Variants in C1orf21 observed in about 807,000 individuals in gnomAD.
C1orf21 encodes chromosome 1 open reading frame 21.
A neutral mutation model predicts 18.7 loss-of-function variants in C1orf21; 3 were observed. The ratio of observed to expected loss-of-function variants is 0.16; its 90% CI spans 0.07 to 0.42. The LOEUF (loss-of-function observed/expected upper bound fraction) is 0.42, where lower values mean the gene tolerates loss of function less well. C1orf21 is among the 10% of genes least tolerant of loss of function. The probability of loss-of-function intolerance (pLI) is 0.99; values close to 1 mark genes in which losing one functional copy is unlikely to be tolerated. For missense variants in C1orf21, 104 were observed against 143.6 expected (o/e 0.72, Z 1.41); for synonymous variants, 41 against 46.4 (o/e 0.88, Z 0.47).
chr1:184,564,860 G>A (rs1272157612), intron 3 of C1orf21, among the ~76,000 whole-genome samples: 7 of 152,042 alleles, frequency 4.6e-5, no homozygotes, highest in Non-Finnish European at 8.8e-5. Flanking sequence ...CTGCTTACAC[G>A]GCACACAGTC....
At chr1:184,502,196 A>G (rs545487104) in intron 2 of C1orf21, among the ~76,000 whole-genome samples, 11 of 152,316 alleles carry the variant, frequency 7.2e-5, no homozygotes, top group East Asian at 3.9e-4. Flanking sequence ...TCACGGTTCT[A>G]GAGGCTGGGA....
intron 3 of C1orf21, 74 bp from the exon 4 acceptor site, chr1:184,590,665 G>A: frequency 2.1e-6 from 3 of 1,437,262 alleles, no homozygotes; most frequent in Non-Finnish European, 2.9e-6. Flanking sequence ...ACGTTTGTGT[G>A]ATGAAAACTC....
At chr1:184,426,161 ATTATCTCTGGCG>A (rs1019179702) in intron 1 of C1orf21, among the ~76,000 whole-genome samples, 6 of 152,250 alleles carry the variant, frequency 3.9e-5, no homozygotes, top group African/African-American at 1.4e-4. Flanking sequence ...CCAATCATAA[ATTATCTCTGGCG>A]TTGTTTTATG....
chr1:184,455,870 G>A (rs1391726043), intron 1 of C1orf21, among the ~76,000 whole-genome samples: 1 of 152,186 alleles, frequency 6.6e-6, no homozygotes. Flanking sequence ...TCAAGAAACT[G>A]TATAATTCTC....
At chr1:184,413,159 A>G (rs1475955356) in intron 1 of C1orf21, among the ~76,000 whole-genome samples, 1 of 152,214 alleles carries the variant, frequency 6.6e-6, no homozygotes, top group African/African-American at 2.4e-5. Context: ...TGCTGTGGTA[A>G]TCCTGCAGTG....
intron 1 of C1orf21, among the ~76,000 whole-genome samples, chr1:184,420,447 T>C (rs1471178450): frequency 6.6e-6 from 1 of 152,218 alleles, no homozygotes; most frequent in Non-Finnish European, 1.5e-5. Flanking sequence ...CAAGAAGTTA[T>C]GGGACCAAAA....
At chr1:184,548,214 A>AACACACACACACACACAC (rs58174774) in intron 3 of C1orf21, among the ~76,000 whole-genome samples, 9 of 139,982 alleles carry the variant, frequency 6.4e-5, no homozygotes, top group African/African-American at 1.9e-4. Context: ...TCAAATCCCC[A>AACACACACACACACACAC]ACACACACAC....
intron 1 of C1orf21, among the ~76,000 whole-genome samples, chr1:184,420,236 T>A (rs1257562378): frequency 6.6e-6 from 1 of 152,042 alleles, no homozygotes; most frequent in Admixed American, 6.5e-5. Flanking sequence ...TTTTTTTAAC[T>A]AACAGTGTGT....
intron 1 of C1orf21, among the ~76,000 whole-genome samples, chr1:184,431,966 C>T (rs531518626): frequency 3.5e-4 from 53 of 152,306 alleles, no homozygotes; most frequent in Non-Finnish European, 4.9e-4. Flanking sequence ...ATCAAAACCA[C>T]GATGAGATAC....
At chr1:184,503,368 T>C (rs2101961863) in intron 2 of C1orf21, among the ~76,000 whole-genome samples, 1 of 152,134 alleles carries the variant, frequency 6.6e-6, no homozygotes, top group South Asian at 2.1e-4. Flanking sequence ...AGCTGAGTCT[T>C]TGTGTGTAAG....
At position 184,387,298 on chromosome 1, in the gene C1orf21, A is replaced by G. The variant is rs1655901529; in HGVS notation, c.-195A>G. ...AGGAAGAAGAGGAGGAGGGAGGAAG[A>G]AAAAAGACGAGGAGGACAGGGGCGG... On this transcript the variant is annotated 5_prime_UTR_variant, in exon 1 of 6. Coordinates refer to ENST00000235307, the MANE Select transcript of C1orf21 (RefSeq NM_030806.4). The surrounding 1 kb of genome is among the most constrained non-coding windows in gnomAD (Gnocchi z 5.6). The G allele has an allele frequency of 6.8e-6, 1 of 147,234 alleles. No individual in the cohort carries two copies. The highest frequency in any genetic ancestry group is 2.5e-5 in the African/African-American group (1 of 40,506). 9.1% of individuals were successfully genotyped at this position (147,234 alleles called of 1,614,324 possible).
chr1:184,481,925 T>G lies in C1orf21; in HGVS notation c.94+4322T>G, dbSNP rs140786340. 1.4e-4 allele frequency among the ~76,000 whole-genome samples: 21 copies of G among 152,206 alleles called. No individual in the cohort carries two copies. The East Asian group carries it at 3.9e-3, about 28-fold the overall frequency. On this transcript the variant is annotated intron_variant, in intron 2 of 5. Coordinates refer to ENST00000235307, the MANE Select transcript of C1orf21 (RefSeq NM_030806.4). ...ACATTTTAAATATGACGAGTTAAGG[T>G]CTTGTCTGTGTTTCTTCACTTAAAT...
chr1:184,477,487 G>T lies in C1orf21; in HGVS notation c.-23G>T, dbSNP rs771544134. 2.1e-5 allele frequency: 34 copies of T among 1,604,444 alleles called. No homozygotes were observed. Among genetic ancestry groups the T allele is most frequent in the Non-Finnish European group, 2.6e-5 (30 of 1,172,988 alleles). On this transcript the variant is annotated 5_prime_UTR_variant, in exon 2 of 6. Coordinates refer to ENST00000235307, the MANE Select transcript of C1orf21 (RefSeq NM_030806.4). ...TAGAGATGATTTGCAGTTCAGCCCG[G>T]CTGAAGCTGACCGAATGAGACTATG... is the stretch of plus-strand genomic sequence containing the variant.
intron 2 of C1orf21, among the ~76,000 whole-genome samples, chr1:184,495,350 G>C (rs1490380580): frequency 1.3e-5 from 2 of 152,054 alleles, no homozygotes; most frequent in African/African-American, 4.8e-5. Context: ...CACCATCCCA[G>C]TTCAGTTTAT....
chr1:184,427,140 T>C (rs1400843623), intron 1 of C1orf21, among the ~76,000 whole-genome samples: 1 of 152,174 alleles, frequency 6.6e-6, no homozygotes, highest in Non-Finnish European at 1.5e-5. Context: ...ACACCCTAAG[T>C]GGACCAGACT....
chr1:184,483,915 C>T (rs191187643), intron 2 of C1orf21, among the ~76,000 whole-genome samples: 507 of 7,882 alleles, frequency 0.064, 4 homozygotes, highest in African/African-American at 0.19. Context: ...GTGTGTGGGG[C>T]GGGGGTGGGG....
intron 2 of C1orf21, among the ~76,000 whole-genome samples, chr1:184,498,324 G>A (rs1249215075): frequency 2.6e-5 from 4 of 152,184 alleles, no homozygotes; most frequent in Non-Finnish European, 4.4e-5. Flanking sequence ...AGTCAGATGC[G>A]CATAAAGATC....
chr1:184,534,640 A>G (rs770782189), intron 3 of C1orf21, among the ~76,000 whole-genome samples: 43 of 152,066 alleles, frequency 2.8e-4, no homozygotes, highest in Non-Finnish European at 2.9e-5. Flanking sequence ...TTCAGCAAGC[A>G]TATATTGAAC....
At chr1:184,568,902 T>C (rs1659070860) in intron 3 of C1orf21, among the ~76,000 whole-genome samples, 1 of 152,254 alleles carries the variant, frequency 6.6e-6, no homozygotes, top group Non-Finnish European at 1.5e-5. Context: ...GGAGGACAAA[T>C]GTTCATTCGT....
Sources: gnomAD v4.1 joint callset for allele counts (sites outside exome capture counted in the v4.1 genomes callset) on GRCh38, gnomAD v4.1.1 for gene constraint, Gnocchi (gnomAD v3.1) non-coding constraint, MANE v1.5 for transcripts, NCBI Gene and HGNC (gene_info 2026-07-23, HGNC 2026-07-21) for gene names.